The following TP53RK variants were observed in gnomAD, a reference collection of about 807,000 sequenced individuals.
The protein encoded by TP53RK is EKC/KEOPS complex subunit TP53RK.
TP53RK carries 17 observed loss-of-function variants against 14.9 expected under a neutral mutation model. That is an observed-to-expected ratio of 1.14 (90% CI 0.78 to 1.71). The LOEUF (loss-of-function observed/expected upper bound fraction) is 1.71. Among genes scored for constraint, TP53RK ranks in the 40% most tolerant of loss-of-function variants. The pLI is 0.00. For synonymous variants in TP53RK, 131 were observed against 138.0 expected (o/e 0.95, Z 0.36); for missense variants, 343 against 332.0 (o/e 1.03, Z -0.26).
At chr20:46,688,519 A>T (rs1043975980) in intron 1 of TP53RK, among the ~76,000 whole-genome samples, 4 of 152,372 alleles carry the variant, frequency 2.6e-5, no homozygotes, top group Middle Eastern at 3.4e-3. Context: ...AAAAATAGGC[A>T]ATTTAATGAA....
In TP53RK at chr20:46,687,145, C is replaced by G; in HGVS notation, c.370G>C (p.Asp124His). Residue 124 changes from aspartate to histidine, a missense_variant, in exon 2 of 2, where the codon GAT becomes CAT. Physicochemically the swap from Asp to His is moderately conservative, Grantham distance 81. Transcript: ENST00000372114. ...EEIEGSVTVR[D>H]YIQSTMETEK... ...GTCTCCATAGTGGACTGAATATAAT[C>G]TCGAACAGTCACTGAGCCTTCAATT... is the stretch of plus-strand genomic sequence containing the variant. The G allele has an allele frequency of 6.2e-7, 1 of 1,614,112 alleles. No individual in the cohort carries two copies. The highest frequency in any genetic ancestry group is 8.5e-7 in the Non-Finnish European group (1 of 1,180,022).
At chr20:46,688,180 A>T (rs1455194725) in intron 1 of TP53RK, among the ~76,000 whole-genome samples, 1 of 152,256 alleles carries the variant, frequency 6.6e-6, no homozygotes, top group African/African-American at 2.4e-5. Flanking sequence ...GAAAACAGAA[A>T]TATGAATACA....
In TP53RK at chr20:46,684,481, G is replaced by C. The variant is rs1174258505; in HGVS notation, c.*2272C>G. On this transcript the variant is annotated 3_prime_UTR_variant, in exon 2 of 2. Transcript: ENST00000372114. ...CACACCCTTCTCCACGTGGCAGCAG[G>C]AAGTGCCGAACAAGAGGGAAAAGCC... is the stretch of plus-strand genomic sequence containing the variant. The C allele has an allele frequency of 6.6e-6, 1 of 152,236 alleles. No homozygotes were observed. The highest frequency in any genetic ancestry group is 2.4e-5 in the African/African-American group (1 of 41,452). The allele number at this position is 152,236 out of a possible 1,614,324, so 9.4% of individuals were successfully genotyped here.
Position 46,684,920 on chromosome 20 carries a change from AAC to A in TP53RK, c.*1831_*1832del, listed in dbSNP as rs983203359. On this transcript the variant is annotated 3_prime_UTR_variant, in exon 2 of 2. Transcript: ENST00000372114. ...CCATATCTCATTTGTCAGTGGAAAG[AAC>A]ACAGATTTGGAGCCAGGTAAAAGTA... The A allele has an allele frequency of 6.6e-6, 1 of 152,226 alleles. No individual in the cohort carries two copies. The highest frequency in any genetic ancestry group is 2.4e-5 in the African/African-American group (1 of 41,454). The allele number at this position is 152,226 out of a possible 1,614,324, so 9.4% of individuals were successfully genotyped here.
In TP53RK at chr20:46,689,203, G is replaced by A; in HGVS notation, c.212C>T (p.Ala71Val). 1 of 1,523,294 alleles carries A rather than the reference G, an allele frequency of 6.6e-7. No individual in the cohort carries two copies. The highest frequency in any genetic ancestry group is 8.8e-7 in the Non-Finnish European group (1 of 1,142,134). 94.4% of individuals were successfully genotyped at this position (1,523,294 alleles called of 1,614,324 possible). A position where few individuals can be genotyped will look rare whatever the true frequency, so the allele number is the denominator to read the frequency against. The part of the protein sequence containing the change: ...HRFPKGYRHP[A>V]LEARLGRRRT... ...CCGTCTGCCAAGCCGCGCCTCCAGC[G>A]CCGGGTGCCGGTAGCCCTTGGGGAA... Residue 71 changes from alanine (A) to valine (V), a missense_variant, in exon 1 of 2, where the codon GCG becomes GTG. Physicochemically the swap from Ala to Val is moderately conservative, Grantham distance 64 (BLOSUM62 0). Transcript: ENST00000372114.
rs1372069240 is a variant in TP53RK, at chr20:46,689,319, G to A, written c.96C>T (p.Phe32=). 1.3e-6 allele frequency: 2 copies of A among 1,558,540 alleles called. No homozygotes were observed. Among genetic ancestry groups the A allele is most frequent in the Non-Finnish European group, 1.7e-6 (2 of 1,160,348 alleles). ...LAAARERSSR[F]LSGLELVKQG... Reference sequence around the variant, plus strand: ...GCTTCACCAGCTCCAGGCCGCTCAAGAAGCGGCTGCTCCGCTCCCGGGCTG... The same window carrying A: ...GCTTCACCAGCTCCAGGCCGCTCAAAAAGCGGCTGCTCCGCTCCCGGGCTG... The change falls in exon 1 of 2, where the codon TTC becomes TTT. Residue 32 remains phenylalanine (F), a synonymous_variant. Coordinates refer to ENST00000372114, the MANE Select transcript of TP53RK (RefSeq NM_033550.4).
rs72485816 is a variant in TP53RK, at chr20:46,685,796, T to C, written c.*957A>G. ...TACAAGGAAGAAAGGTATTTTCTTATCCCTCTCTTCCCTTCCCACCCAAAC... is the reference window on the plus strand; with the variant it reads ...TACAAGGAAGAAAGGTATTTTCTTACCCCTCTCTTCCCTTCCCACCCAAAC... On this transcript the variant is annotated 3_prime_UTR_variant, in exon 2 of 2. Transcript: ENST00000372114. 15,860 of 152,172 alleles carry C rather than the reference T, an allele frequency of 0.1. 1,513 individuals are homozygous for C. The highest frequency in any genetic ancestry group is 0.26 in the African/African-American group (10,637 of 41,468). The allele number at this position is 152,172 out of a possible 1,614,324, so 9.4% of individuals were successfully genotyped here.
chr20:46,689,370 G>C lies in TP53RK; in HGVS notation c.45C>G (p.Pro15=), dbSNP rs780941418. ...CGGCCAGAGCCTCAGCCTCCGGGGC[G>C]GGCTCCTCGCCATCGGCCGGCGTAG... ...RATTPADGEE[P]APEAEALAAA... is the part of the protein sequence containing the mutation. Residue 15 remains proline, a synonymous_variant, in exon 1 of 2, where the codon CCC becomes CCG. Transcript: ENST00000372114. The C allele has an allele frequency of 6.3e-6, 10 of 1,577,402 alleles. No individual in the cohort carries two copies. The highest frequency in any genetic ancestry group is 6.8e-6 in the Non-Finnish European group (8 of 1,171,806).
chr20:46,686,922 A>C lies in TP53RK; in HGVS notation c.593T>G (p.Val198Gly). Residue 198 changes from valine (V) to glycine (G), a missense_variant, in exon 2 of 2, where the codon GTA (valine) becomes GGA (glycine). By Grantham distance (109) the Val-to-Gly change is moderately radical. Transcript: ENST00000372114. ...FISALPEDKG[V>G]DLYVLEKAFL... ...GGCCTTCTCCAGGACATAGAGGTCT[A>C]CTCCCTTATCCTCTGGAAGTGCTGA... 6.2e-7 allele frequency: 1 copy of C among 1,613,882 alleles called. No homozygotes were observed. The highest frequency in any genetic ancestry group is 1.1e-5 in the South Asian group (1 of 91,056).
At chr20:46,688,063 G>A (rs1480648259) in intron 1 of TP53RK, among the ~76,000 whole-genome samples, 2 of 152,190 alleles carry the variant, frequency 1.3e-5, no homozygotes, top group Admixed American at 1.3e-4. Context: ...AAGTCAACCA[G>A]GCTCAGTATA....
Position 46,689,211 on chromosome 20 carries a change from CCGGTAG to C in TP53RK, c.198_203del (p.Tyr67_Arg68del), listed in dbSNP as rs762936402. The C allele has an allele frequency of 6.6e-7, 1 of 1,526,034 alleles. No individual in the cohort carries two copies. The highest frequency in any genetic ancestry group is 8.7e-7 in the Non-Finnish European group (1 of 1,143,534). The allele number at this position is 1,526,034 out of a possible 1,614,324, so 94.5% of individuals were successfully genotyped here. A position where few individuals can be genotyped will look rare whatever the true frequency, so the allele number is the denominator to read the frequency against. On this transcript the variant is annotated inframe_deletion, in exon 1 of 2. Transcript: ENST00000372114. The stretch of plus-strand genomic sequence containing the variant: ...CAAGCCGCGCCTCCAGCGCCGGGTG[CCGGTAG>C]CCCTTGGGGAAGCGGTGCTTGATCA...
Position 46,689,438 on chromosome 20 carries a change from A to G in TP53RK, c.-24T>C. ...ATGACTGCTCGGCGCAACAGCTCCA[A>G]CCGATCAGCTGTCTCTGAAAACTGT... On this transcript the variant is annotated 5_prime_UTR_variant, in exon 1 of 2. Transcript: ENST00000372114. 2 of 1,506,794 alleles carry G rather than the reference A, an allele frequency of 1.3e-6. No homozygotes were observed. The highest frequency in any genetic ancestry group is 2.6e-5 in the South Asian group (2 of 76,582). The allele number at this position is 1,506,794 out of a possible 1,614,324, so 93.3% of individuals were successfully genotyped here.
chr20:46,685,326 T>C lies in TP53RK; in HGVS notation c.*1427A>G, dbSNP rs957493903. 1 of 152,218 alleles carries C rather than the reference T, an allele frequency of 6.6e-6. No homozygotes were observed. The highest frequency in any genetic ancestry group is 1.5e-5 in the Non-Finnish European group (1 of 68,036). 9.4% of individuals were successfully genotyped at this position (152,218 alleles called of 1,614,324 possible). On this transcript the variant is annotated 3_prime_UTR_variant, in exon 2 of 2. Transcript: ENST00000372114. Reference sequence around the variant, plus strand: ...AAGCTGGCAATAACAAAAGAAAAATTGGAACATTTACAAATGTGTGGAAAT... The same window carrying C: ...AAGCTGGCAATAACAAAAGAAAAATCGGAACATTTACAAATGTGTGGAAAT...
At chr20:46,687,791 ACT>A (rs2063187741) in intron 1 of TP53RK, among the ~76,000 whole-genome samples, 1 of 152,176 alleles carries the variant, frequency 6.6e-6, no homozygotes, top group Admixed American at 6.5e-5. Flanking sequence ...AAAGTGAGAC[ACT>A]GTCTCAAAAA....
In TP53RK at chr20:46,689,326, C is replaced by T; in HGVS notation, c.89G>A (p.Ser30Asn). 1 of 1,560,866 alleles carries T rather than the reference C, an allele frequency of 6.4e-7. No homozygotes were observed. The highest frequency in any genetic ancestry group is 8.6e-7 in the Non-Finnish European group (1 of 1,161,820). Residue 30 changes from serine (S) to asparagine (N), a missense_variant, in exon 1 of 2, where the codon AGC becomes AAC. Coordinates refer to ENST00000372114, the MANE Select transcript of TP53RK (RefSeq NM_033550.4). ...CAGCTCCAGGCCGCTCAAGAAGCGG[C>T]TGCTCCGCTCCCGGGCTGCGGCCAG... ...EALAAARERS[S>N]RFLSGLELVK...
chr20:46,688,447 G>T (rs1324680313), intron 1 of TP53RK, among the ~76,000 whole-genome samples: 1 of 152,278 alleles, frequency 6.6e-6, no homozygotes, highest in African/African-American at 2.4e-5. Context: ...ACTTCTCTCT[G>T]AGTGTCACTT....
In TP53RK at chr20:46,686,813, T is replaced by C. The variant is rs762588614; in HGVS notation, c.702A>G (p.Pro234=). ...GCACTTCATCTAATTTTTTTAGCAC[T>C]GGCCTGGCCTTTTTGGAGGAGGTGG... The part of the protein sequence containing the change: ...SYSTSSKKAR[P]VLKKLDEVRL... The change falls in exon 2 of 2, where the codon CCA becomes CCG. Residue 234 remains proline (P), a synonymous_variant. Coordinates refer to ENST00000372114, the MANE Select transcript of TP53RK (RefSeq NM_033550.4). The C allele has an allele frequency of 1.2e-6, 2 of 1,614,226 alleles. No homozygotes were observed. Among genetic ancestry groups the C allele is most frequent in the East Asian group, 2.2e-5 (1 of 44,888 alleles).
Position 46,685,692 on chromosome 20 carries a change from C to T in TP53RK, c.*1061G>A, listed in dbSNP as rs937567830. On this transcript the variant is annotated 3_prime_UTR_variant, in exon 2 of 2. Coordinates refer to ENST00000372114, the MANE Select transcript of TP53RK (RefSeq NM_033550.4). The stretch of plus-strand genomic sequence containing the variant: ...GCTCACCATTGTACCCAATACCCAA[C>T]AGGGTGCCAAGTACCCAATACCCAA... 7.9e-5 allele frequency: 12 copies of T among 152,294 alleles called. No individual in the cohort carries two copies. The South Asian group carries it at 2.3e-3, about 29-fold the overall frequency. 9.4% of individuals were successfully genotyped at this position (152,294 alleles called of 1,614,324 possible). A position where few individuals can be genotyped will look rare whatever the true frequency, so the allele number is the denominator to read the frequency against.
chr20:46,687,339 T>A, intron 1 of TP53RK, 108 bp from the exon 2 acceptor site: 1 of 940,234 alleles, frequency 1.1e-6, no homozygotes, highest in Non-Finnish European at 1.6e-6. Flanking sequence ...ATTTCAGGAC[T>A]ATTGAGGAAT....
Sources: gnomAD v4.1 joint callset for allele counts (sites outside exome capture counted in the v4.1 genomes callset) on GRCh38, gnomAD v4.1.1 for gene constraint, MANE v1.5 for transcripts, NCBI Gene and HGNC (gene_info 2026-07-23, HGNC 2026-07-21) for gene names.